Variants in VPS13D observed in about 807,000 individuals in gnomAD.
VPS13D encodes vacuolar protein sorting 13 homolog D, also known as intermembrane lipid transfer protein VPS13D.
In VPS13D, 187 loss-of-function variants were observed where a neutral mutation model predicts 461.9. That is an observed-to-expected ratio of 0.40 (90% CI 0.36 to 0.46). The LOEUF (loss-of-function observed/expected upper bound fraction) is 0.46, where lower values mean the gene tolerates loss of function less well. Among genes scored for constraint, VPS13D ranks in the 20% least tolerant of loss-of-function variants. VPS13D has a pLI of 0.60. For synonymous variants in VPS13D, 1,951 were observed against 1,986.3 expected (o/e 0.98, Z 0.47); for missense variants, 4,711 against 5,364.9 (o/e 0.88, Z 3.81).
chr1:12,371,060 T>C (rs1386801857), intron 54 of VPS13D, among the ~76,000 whole-genome samples: 4 of 152,218 alleles, frequency 2.6e-5, no homozygotes, highest in African/African-American at 9.7e-5. Flanking sequence ...ATTTTGTTTT[T>C]GAGGTGAAAC....
intron 68 of VPS13D, chr1:12,499,917 T>C: frequency 1.0e-6 from 1 of 985,414 alleles, no homozygotes; most frequent in Non-Finnish European, 1.2e-6. Context: ...ACTTTTATCC[T>C]AGATTTGTAA....
Position 12,362,756 on chromosome 1 carries a change from A to G in VPS13D, c.10178A>G (p.Asp3393Gly). The G allele has an allele frequency of 6.2e-7, 1 of 1,614,240 alleles. No homozygotes were observed. Among genetic ancestry groups the G allele is most frequent in the East Asian group, 2.2e-5 (1 of 44,894 alleles). ...DVKKGRGRYIDTCMVIFAPRY... is the reference protein window; with the variant it reads ...DVKKGRGRYIGTCMVIFAPRY... Reference sequence around the variant, plus strand: ...AAGAAAGGCCGAGGTCGATACATTGATACCTGCATGGTCATCTTTGCCCCC... The same window carrying G: ...AAGAAAGGCCGAGGTCGATACATTGGTACCTGCATGGTCATCTTTGCCCCC... The change falls in exon 51 of 70, where the codon GAT (aspartate) becomes GGT (glycine). Residue 3393 changes from aspartate to glycine, a missense_variant. Physicochemically the swap from Asp to Gly is moderately conservative, Grantham distance 94. Transcript: ENST00000620676.
Position 12,308,499 on chromosome 1 carries a change from A to C in VPS13D, c.6508A>C (p.Arg2170=). The part of the protein sequence containing the change: ...LQDMDIFAAE[R]HPREYSKAPE... ...GGACATGGACATCTTTGCTGCAGAG[A>C]GACATCCGAGAGAATACTCGAAGGC... is the stretch of plus-strand genomic sequence containing the variant. The change falls in exon 27 of 70, where the codon AGA becomes CGA. Residue 2170 remains arginine, a synonymous_variant. Coordinates refer to ENST00000620676, the MANE Select transcript of VPS13D (RefSeq NM_015378.4). The C allele has an allele frequency of 6.2e-7, 1 of 1,614,110 alleles. No individual in the cohort carries two copies. The highest frequency in any genetic ancestry group is 1.3e-5 in the African/African-American group (1 of 75,018).
intron 7 of VPS13D, among the ~76,000 whole-genome samples, chr1:12,254,821 C>A (rs72642643): frequency 0.11 from 16,293 of 152,062 alleles, 1,341 homozygotes; most frequent in African/African-American, 0.22. Context: ...AGCTACCACA[C>A]CCGGCCAGTT....
At chr1:12,400,962 G>GCACACACACACACA (rs55998605) in intron 61 of VPS13D, among the ~76,000 whole-genome samples, 10 of 106,218 alleles carry the variant, frequency 9.4e-5, no homozygotes, top group South Asian at 7.3e-4. Flanking sequence ...CTGCGCGCGC[G>GCACACACACACACA]CACACACACA....
At chr1:12,390,767 A>T (rs1199603467) in intron 60 of VPS13D, among the ~76,000 whole-genome samples, 1 of 152,178 alleles carries the variant, frequency 6.6e-6, no homozygotes, top group African/African-American at 2.4e-5. Flanking sequence ...GGCTGTAGAC[A>T]GGGCAGCCTT....
At chr1:12,388,000 T>C (rs991859118) in intron 60 of VPS13D, among the ~76,000 whole-genome samples, 1 of 152,110 alleles carries the variant, frequency 6.6e-6, no homozygotes, top group African/African-American at 2.4e-5. Context: ...AAAAATAGTA[T>C]CAGATTGAAG....
At chr1:12,288,189 A>G in intron 21 of VPS13D, 34 bp from the exon 22 acceptor site, 1 of 1,554,562 alleles carries the variant, frequency 6.4e-7, no homozygotes, top group Non-Finnish European at 8.9e-7. Context: ...TCTCCCCAGT[A>G]ATATTGGCCT....
chr1:12,284,617 A>AC (rs1641908550), intron 21 of VPS13D, among the ~76,000 whole-genome samples: 1 of 152,126 alleles, frequency 6.6e-6, no homozygotes. Context: ...GAGCCCTGGA[A>AC]CCCCGGCCGT....
intron 67 of VPS13D, among the ~76,000 whole-genome samples, chr1:12,475,484 C>T (rs187878036): frequency 6.8e-4 from 103 of 151,008 alleles, no homozygotes; most frequent in African/African-American, 2.4e-3. Context: ...GAATATATGG[C>T]AGCCCGATAA....
At chr1:12,264,834 T>C (rs1446098284) in intron 13 of VPS13D, among the ~76,000 whole-genome samples, 2 of 152,208 alleles carry the variant, frequency 1.3e-5, no homozygotes, top group African/African-American at 4.8e-5. Flanking sequence ...AAAGGCCTTC[T>C]ATTGGAAGAA....
chr1:12,345,471 C>T lies in VPS13D; in HGVS notation c.8983C>T (p.Arg2995Ter), dbSNP rs202180923. 3 of 1,613,636 alleles carry T rather than the reference C, an allele frequency of 1.9e-6. No homozygotes were observed. The highest frequency in any genetic ancestry group is 2.2e-5 in the East Asian group (1 of 44,874). ...TGTGGACAAAGTCGGGACCTTTTTT[C>T]GATATGCAGCACCAGATAAAAATTC... ...VSVDKVGTFF[R>*]YAAPDKNSSS... The change falls in exon 43 of 70, where the codon CGA (arginine) becomes TGA (stop). Residue 2995 changes from arginine (R) to a stop codon, truncating the protein, a stop_gained. Coordinates refer to ENST00000620676, the MANE Select transcript of VPS13D (RefSeq NM_015378.4). LOFTEE classifies it high-confidence loss of function.
At chr1:12,350,185 A>T (rs1643763980) in intron 46 of VPS13D, among the ~76,000 whole-genome samples, 1 of 152,214 alleles carries the variant, frequency 6.6e-6, no homozygotes, top group Non-Finnish European at 1.5e-5. Context: ...CAATGTTATC[A>T]ATGAGCTTGT....
intron 26 of VPS13D, 40 bp from the exon 27 acceptor site, chr1:12,308,391 C>T (rs1167884569): frequency 1.2e-6 from 2 of 1,602,430 alleles, no homozygotes; most frequent in Admixed American, 1.7e-5. Context: ...TTTTTGGGTC[C>T]CCTTTTCTTC....
intron 61 of VPS13D, among the ~76,000 whole-genome samples, chr1:12,400,904 C>T (rs1024369976): frequency 6.6e-6 from 1 of 151,790 alleles, no homozygotes; most frequent in Non-Finnish European, 1.5e-5. Flanking sequence ...CAGCGAGTCA[C>T]GATCACACCA....
At chr1:12,479,322 G>A (rs536932823) in intron 67 of VPS13D, among the ~76,000 whole-genome samples, 8 of 152,210 alleles carry the variant, frequency 5.3e-5, no homozygotes, top group Admixed American at 2.6e-4. Flanking sequence ...GGCCAAACTC[G>A]GGACCTGCCT....
At position 12,273,106 on chromosome 1, in the gene VPS13D, T is replaced by C. The variant is rs753597520; in HGVS notation, c.2207T>C (p.Leu736Pro). 4 of 1,614,148 alleles carry C rather than the reference T, an allele frequency of 2.5e-6. No individual in the cohort carries two copies. Among genetic ancestry groups the C allele is most frequent in the Non-Finnish European group, 3.4e-6 (4 of 1,179,992 alleles). The change falls in exon 18 of 70, where the codon CTA becomes CCA. Residue 736 changes from leucine (L) to proline (P), a missense_variant. Transcript: ENST00000620676. ...FKNPVLVVVD[L>P]GRMLLTNTQD... ...AATCCTGTGTTAGTTGTCGTGGATCTAGGAAGAATGCTTTTGACGAACACC... is the reference window on the plus strand; with the variant it reads ...AATCCTGTGTTAGTTGTCGTGGATCCAGGAAGAATGCTTTTGACGAACACC...
chr1:12,384,306 T>C lies in VPS13D; in HGVS notation c.11371-954T>C, dbSNP rs778336514. ...ATGAGGGAGAGGAAGGAGTCAGTAA[T>C]GGCCTCCAAGGTTCTGATTTGGGCA... On this transcript the variant is annotated intron_variant, in intron 58 of 69. Coordinates refer to ENST00000620676, the MANE Select transcript of VPS13D (RefSeq NM_015378.4). Among the ~76,000 whole-genome samples, 89 of 152,264 alleles carry C rather than the reference T, an allele frequency of 5.8e-4. 1 individual carries two copies. The highest frequency in any genetic ancestry group is 8.3e-4 in the South Asian group (4 of 4,810).
At chr1:12,234,538 A>C (rs1640086889) in intron 2 of VPS13D, among the ~76,000 whole-genome samples, 175 bp downstream of exon 2, 1 of 152,176 alleles carries the variant, frequency 6.6e-6, no homozygotes. Flanking sequence ...GTTTATAGCT[A>C]TATTGTTGTA....
Sources: gnomAD v4.1 joint callset for allele counts (sites outside exome capture counted in the v4.1 genomes callset) on GRCh38, gnomAD v4.1.1 for gene constraint, MANE v1.5 for transcripts, NCBI Gene and HGNC (gene_info 2026-07-23, HGNC 2026-07-21) for gene names.